The following UBE2K variants were observed in gnomAD, a reference collection of about 807,000 sequenced individuals.
The protein encoded by UBE2K is ubiquitin-conjugating enzyme E2 K.
UBE2K carries 6 observed loss-of-function variants against 30.0 expected under a neutral mutation model. The observed-to-expected ratio is 0.20, with a 90% CI of 0.11 to 0.39. UBE2K has a LOEUF of 0.39. Ranked by LOEUF, UBE2K falls within the 10% of genes least tolerant of loss-of-function variation. UBE2K has a pLI of 1.00. For missense variants in UBE2K, 61 were observed against 241.6 expected, an observed-to-expected ratio of 0.25 and a Z score of 4.96; for synonymous variants, 86 against 83.7, an observed-to-expected ratio of 1.03 and a Z score of -0.15.
intron 4 of UBE2K, among the ~76,000 whole-genome samples, chr4:39,757,015 T>TTTG (rs1721562408): frequency 9.7e-6 from 1 of 103,488 alleles, no homozygotes; most frequent in African/African-American, 4.0e-5. Flanking sequence ...TTTTTTGTTT[T>TTTG]TTGTTTTTTG....
intron 1 of UBE2K, among the ~76,000 whole-genome samples, chr4:39,732,461 T>G (rs971305460): frequency 6.6e-6 from 1 of 152,172 alleles, no homozygotes; most frequent in African/African-American, 2.4e-5. Context: ...TTTACAGTGA[T>G]GATGGTAACA....
chr4:39,727,976 T>C (rs1427985272), intron 1 of UBE2K, among the ~76,000 whole-genome samples: 2 of 151,732 alleles, frequency 1.3e-5, no homozygotes, highest in Non-Finnish European at 2.9e-5. Context: ...CTAAAAAATA[T>C]GTAAGAAATT....
chr4:39,705,572 G>C (rs1489193301), intron 1 of UBE2K, among the ~76,000 whole-genome samples: 1 of 152,064 alleles, frequency 6.6e-6, no homozygotes, highest in Non-Finnish European at 1.5e-5. Flanking sequence ...GCCCCAAAAG[G>C]CTTAACTGGT....
intron 2 of UBE2K, among the ~76,000 whole-genome samples, chr4:39,739,139 T>G (rs1440412101): frequency 1.3e-5 from 2 of 152,072 alleles, no homozygotes; most frequent in Admixed American, 1.3e-4. Flanking sequence ...GCCATTCTCC[T>G]GCCTCAGCCT....
At chr4:39,723,837 A>G (rs2109330973) in intron 1 of UBE2K, among the ~76,000 whole-genome samples, 1 of 152,252 alleles carries the variant, frequency 6.6e-6, no homozygotes, top group Middle Eastern at 3.4e-3. Context: ...TTTGAGACAG[A>G]GTTTCTCTCT....
chr4:39,764,886 TTAA>T (rs1578495061), intron 4 of UBE2K, among the ~76,000 whole-genome samples: 1 of 72,484 alleles, frequency 1.4e-5, no homozygotes. Flanking sequence ...TAAGAACTTA[TTAA>T]TTTTTTTTTT....
intron 1 of UBE2K, among the ~76,000 whole-genome samples, chr4:39,699,002 G>A (rs370310355): frequency 1.5e-4 from 23 of 152,228 alleles, no homozygotes; most frequent in African/African-American, 5.3e-4. Flanking sequence ...AGGGGTAAGG[G>A]AATTTTCACC....
intron 4 of UBE2K, among the ~76,000 whole-genome samples, chr4:39,760,645 C>T (rs1427170325): frequency 3.9e-5 from 6 of 152,146 alleles, no homozygotes; most frequent in Non-Finnish European, 8.8e-5. Context: ...CGCCTGTAAT[C>T]CCAGCACTTT....
rs1446873942 is a variant in UBE2K, at chr4:39,714,537, TATATA to T, written c.63+16148_63+16152del. 6.7e-4 allele frequency: 29 copies of T among 43,252 alleles called. 3 individuals are homozygous for T. Among genetic ancestry groups the T allele is most frequent in the African/African-American group, 5.0e-3 (26 of 5,198 alleles). The allele number at this position is 43,252 out of a possible 1,614,324, so 2.7% of individuals were successfully genotyped here. On this transcript the variant is annotated intron_variant, in intron 1 of 6. Transcript: ENST00000261427. ...AGTTTCATATATATATATATATATA[TATATA>T]TATATATATTTTTTTTTTTTTTTAA...
At chr4:39,762,907 G>A (rs925186960) in intron 4 of UBE2K, among the ~76,000 whole-genome samples, 1 of 150,208 alleles carries the variant, frequency 6.7e-6, no homozygotes, top group African/African-American at 2.4e-5. Flanking sequence ...GGGATTACAG[G>A]CGTGAGCCAC....
intron 1 of UBE2K, among the ~76,000 whole-genome samples, chr4:39,725,401 AAAAAAC>A (rs1205273765): frequency 6.4e-4 from 96 of 150,522 alleles, no homozygotes; most frequent in African/African-American, 2.2e-3. Flanking sequence ...AAAAAAAAAA[AAAAAAC>A]ACCTCTTGAT....
chr4:39,770,968 G>C, intron 4 of UBE2K: 1 of 1,596,878 alleles, frequency 6.3e-7, no homozygotes, highest in Non-Finnish European at 8.5e-7. Context: ...TGGGGTCCTG[G>C]CTGGAGGGAG....
intron 1 of UBE2K, among the ~76,000 whole-genome samples, chr4:39,712,644 A>C (rs1718773020): frequency 6.6e-6 from 1 of 150,438 alleles, no homozygotes; most frequent in Admixed American, 6.6e-5. Context: ...CTGGTCTTGA[A>C]CTCTTGACCT....
At chr4:39,722,131 A>G (rs1440800478) in intron 1 of UBE2K, among the ~76,000 whole-genome samples, 1 of 152,176 alleles carries the variant, frequency 6.6e-6, no homozygotes, top group African/African-American at 2.4e-5. Flanking sequence ...TTGACTTAAA[A>G]AAAAGTCTTA....
At chr4:39,761,049 G>A (rs982157563) in intron 4 of UBE2K, 2 of 152,266 alleles carry the variant, frequency 1.3e-5, no homozygotes, top group African/African-American at 2.4e-5. Flanking sequence ...AGGAGGCTGA[G>A]GCAAGAGGAT....
At chr4:39,713,917 T>C (rs1718858555) in intron 1 of UBE2K, 1 of 152,012 alleles carries the variant, frequency 6.6e-6, no homozygotes, top group African/African-American at 2.4e-5. Context: ...AGAGTCTTGC[T>C]CTATTATTGC....
At chr4:39,739,356 A>AT (rs1465588818) in intron 2 of UBE2K, among the ~76,000 whole-genome samples, 2 of 150,380 alleles carry the variant, frequency 1.3e-5, no homozygotes, top group African/African-American at 4.9e-5. Context: ...TAAAAATCTA[A>AT]TATTCTTGAA....
chr4:39,755,582 T>C (rs2109375174), intron 3 of UBE2K, 75 bp from the exon 4 acceptor site: 3 of 1,134,420 alleles, frequency 2.6e-6, no homozygotes, highest in East Asian at 2.4e-5. Flanking sequence ...AGTTTGAAGA[T>C]TTCATTTTCT....
chr4:39,712,861 CTTTTTT>C (rs542180052), intron 1 of UBE2K, among the ~76,000 whole-genome samples: 1 of 133,708 alleles, frequency 7.5e-6, no homozygotes, highest in Non-Finnish European at 1.6e-5. Flanking sequence ...TTAGTGTTTA[CTTTTTT>C]TTTTTTTTTT....
Sources: allele counts gnomAD v4.1 joint callset (sites outside exome capture counted in the v4.1 genomes callset), GRCh38; gene constraint gnomAD v4.1.1; transcripts MANE v1.5; gene names NCBI Gene and HGNC (gene_info 2026-07-23, HGNC 2026-07-21).